The following TOP1MT variants were observed in gnomAD, a reference collection of about 807,000 sequenced individuals.
TOP1MT encodes DNA topoisomerase I, mitochondrial.
A neutral mutation model predicts 73.9 loss-of-function variants in TOP1MT; 80 were observed. That is an observed-to-expected ratio of 1.08 (90% CI 0.90 to 1.30). TOP1MT has a LOEUF of 1.30. Ranked by LOEUF, TOP1MT falls within the 50% of genes most tolerant of loss-of-function variation. The pLI, the probability that TOP1MT is intolerant of heterozygous loss-of-function variation, is 0.00. For synonymous variants in TOP1MT, 338 were observed against 326.4 expected, an observed-to-expected ratio of 1.04 and a Z score of -0.38; for missense variants, 815 against 808.0, an observed-to-expected ratio of 1.01 and a Z score of -0.10.
At chr8:143,319,673 A>G (rs1470081290) in intron 8 of TOP1MT, among the ~76,000 whole-genome samples, 2 of 151,702 alleles carry the variant, frequency 1.3e-5, no homozygotes, top group Non-Finnish European at 1.5e-5. Flanking sequence ...CCCTCTGGGC[A>G]TCTATGCTGG....
At chr8:143,322,440 C>T (rs1816471459) in intron 7 of TOP1MT, among the ~76,000 whole-genome samples, 3 of 131,054 alleles carry the variant, frequency 2.3e-5, no homozygotes, top group Non-Finnish European at 3.1e-5. Flanking sequence ...ACACCACACG[C>T]ACGCCACACA....
chr8:143,342,220 T>C lies in TOP1MT; in HGVS notation c.29+1000A>G, dbSNP rs1171733149. Among the ~76,000 whole-genome samples the C allele has an allele frequency of 3.8e-5, 5 of 133,050 alleles. 1 individual carries two copies. The highest frequency in any genetic ancestry group is 1.8e-4 in the African/African-American group (5 of 27,144). 87.3% of individuals were successfully genotyped at this position (133,050 alleles called of 152,430 possible). On this transcript the variant is annotated intron_variant, in intron 2 of 5. Transcript: ENST00000518007. ...GTTATTATTATTATTAGAGACAGAG[T>C]CTCGCTCTATTATTATTATTATTAG...
upstream of TOP1MT, among the ~76,000 whole-genome samples, chr8:143,338,266 T>C (rs1017387408): frequency 1.3e-5 from 2 of 151,588 alleles, no homozygotes; most frequent in African/African-American, 4.9e-5. Context: ...CTCCATCTCT[T>C]AAAAAAAAAT....
chr8:143,323,210 G>A (rs117455231), intron 7 of TOP1MT, among the ~76,000 whole-genome samples: 28,189 of 84,374 alleles, frequency 0.33, 2,882 homozygotes, highest in East Asian at 0.55. Context: ...ACACAGGCAC[G>A]CCACACAGGC....
chr8:143,334,939 C>T, upstream of TOP1MT: 1 of 1,235,912 alleles, frequency 8.1e-7, no homozygotes, highest in Non-Finnish European at 1.0e-6. Context: ...GCGGCCAGCC[C>T]CGCCCCCGAG....
At chr8:143,342,465 C>T (rs1817123382) in intron 2 of TOP1MT, among the ~76,000 whole-genome samples, 1 of 117,952 alleles carries the variant, frequency 8.5e-6, no homozygotes, top group Non-Finnish European at 1.6e-5. Context: ...GAGTCTCGCT[C>T]TGTTATTATT....
At chr8:143,314,509 A>G (rs1261197902) in intron 12 of TOP1MT, among the ~76,000 whole-genome samples, 1 of 149,026 alleles carries the variant, frequency 6.7e-6, no homozygotes, top group Non-Finnish European at 1.5e-5. Flanking sequence ...CAGGAGAATC[A>G]CTTGAACCCG....
intron 12 of TOP1MT, among the ~76,000 whole-genome samples, chr8:143,314,197 G>A (rs1322302769): frequency 2.6e-5 from 4 of 152,114 alleles, no homozygotes; most frequent in Admixed American, 1.3e-4. Flanking sequence ...CTCATTTCCT[G>A]ACCCCACAAT....
At chr8:143,357,220 A>T (rs1329281746), upstream of TOP1MT, among the ~76,000 whole-genome samples, 1 of 151,352 alleles carries the variant, frequency 6.6e-6, no homozygotes, top group African/African-American at 2.4e-5. Flanking sequence ...TGGGCAACAT[A>T]GGGAGATAGG....
At chr8:143,333,116 G>A (rs1001946429) in intron 1 of TOP1MT, among the ~76,000 whole-genome samples, 1 of 152,066 alleles carries the variant, frequency 6.6e-6, no homozygotes, top group East Asian at 1.9e-4. Flanking sequence ...GGATCATGTC[G>A]GGTGTGAGAA....
chr8:143,326,112 T>C (rs1816700270), intron 4 of TOP1MT, 110 bp downstream of exon 4: 1 of 1,282,312 alleles, frequency 7.8e-7, no homozygotes, highest in Middle Eastern at 2.2e-4. Flanking sequence ...AGAGCAGCTT[T>C]GTGAGAAGGG....
chr8:143,325,036 C>T (rs973028910), intron 5 of TOP1MT, among the ~76,000 whole-genome samples: 4 of 152,218 alleles, frequency 2.6e-5, no homozygotes, highest in Non-Finnish European at 5.9e-5. Context: ...AATGTCCCTC[C>T]AATAAGTTCA....
chr8:143,329,575 C>G, intron 2 of TOP1MT, 104 bp from the exon 3 acceptor site: 1 of 1,379,026 alleles, frequency 7.3e-7, no homozygotes, highest in Admixed American at 2.5e-5. Flanking sequence ...CGTACTATGC[C>G]AAGAGCAAGA....
rs762620751 is a variant in TOP1MT, at chr8:143,310,132, TCTC to T, written c.1636_1638del (p.Glu546del). The T allele has an allele frequency of 6.8e-6, 11 of 1,613,438 alleles. No individual in the cohort carries two copies. The African/African-American group carries it at 1.1e-4, about 16-fold the overall frequency. ...GACGTGCCCAGGGCCACCTGCTTGT[TCTC>T]CTCCTTGTCCGTGGCCTGCACACTC... On this transcript the variant is annotated inframe_deletion, in exon 13 of 14. Coordinates refer to ENST00000329245, the MANE Select transcript of TOP1MT (RefSeq NM_052963.3).
chr8:143,334,597 C>T, intron 1 of TOP1MT, 143 bp downstream of exon 1: 2 of 1,206,224 alleles, frequency 1.7e-6, no homozygotes, highest in South Asian at 3.2e-5. Context: ...GGTCACACCG[C>T]GGCACGCATG....
chr8:143,348,614 G>A (rs917044535), upstream of TOP1MT, among the ~76,000 whole-genome samples: 5 of 152,044 alleles, frequency 3.3e-5, no homozygotes, highest in Non-Finnish European at 7.4e-5. This position sits in a 1 kb window ranked among gnomAD's most constrained non-coding sequence, Gnocchi z 4.6. Flanking sequence ...GGTGGGGGGG[G>A]GTGGGGGCCC....
intron 6 of TOP1MT, 140 bp from the exon 7 acceptor site, chr8:143,324,282 C>G: frequency 7.3e-7 from 1 of 1,370,522 alleles, no homozygotes; most frequent in Middle Eastern, 1.9e-4. Context: ...GCAAATCTAG[C>G]TGGGTGATGC....
At position 143,341,637 on chromosome 8, in the gene TOP1MT, C is replaced by A. The variant is rs1383602874; in HGVS notation, c.29+1583G>T. 6.6e-6 allele frequency among the ~76,000 whole-genome samples: 1 copy of A among 152,204 alleles called. No homozygotes were observed. Among genetic ancestry groups the A allele is most frequent in the Admixed American group, 6.5e-5 (1 of 15,292 alleles). ...CAGCCCTTGTGGCCTCTGTCAGGAG[C>A]AGAAACCAAGGGCAATGAACAAAGG... On this transcript the variant is annotated intron_variant, in intron 2 of 5. Coordinates refer to the TOP1MT transcript ENST00000518007. This position sits in a 1 kb window ranked among gnomAD's most constrained non-coding sequence, Gnocchi z 4.1.
intron 1 of TOP1MT, among the ~76,000 whole-genome samples, chr8:143,350,444 G>A (rs182218381): frequency 9.5e-4 from 145 of 152,320 alleles, no homozygotes; most frequent in Middle Eastern, 3.4e-3. Context: ...TGATTCTCCT[G>A]CCTCAGCCTC....
Sources: gnomAD v4.1 joint callset for allele counts (sites outside exome capture counted in the v4.1 genomes callset) on GRCh38, gnomAD v4.1.1 for gene constraint, Gnocchi (gnomAD v3.1) non-coding constraint, MANE v1.5 for transcripts, NCBI Gene and HGNC (gene_info 2026-07-23, HGNC 2026-07-21) for gene names.